Variants in ARB2A observed in about 807,000 individuals in gnomAD.
The protein encoded by ARB2A is cotranscriptional regulator ARB2A.
At chr5:93,680,505 T>G in the ARB2A span, among the ~76,000 whole-genome samples, 2 of 152,234 alleles carry the variant, frequency 1.3e-5, no homozygotes, top group East Asian at 3.9e-4. Flanking sequence ...AGCTAAAATT[T>G]TCAACATAAT....
the ARB2A span, among the ~76,000 whole-genome samples, chr5:93,763,840 C>G: frequency 5.9e-5 from 9 of 152,154 alleles, 1 homozygote; most frequent in South Asian, 4.1e-4. Context: ...GAAATTATAA[C>G]AAACTGTCTC....
At chr5:93,819,185 CA>C in the ARB2A span, among the ~76,000 whole-genome samples, 33 of 93,156 alleles carry the variant, frequency 3.5e-4, no homozygotes, top group Middle Eastern at 6.4e-3. Context: ...AACTCCGTCT[CA>C]AAAAAAAAAA....
chr5:93,854,308 C>A, the ARB2A span, among the ~76,000 whole-genome samples: 1 of 152,120 alleles, frequency 6.6e-6, no homozygotes, highest in Non-Finnish European at 1.5e-5. Flanking sequence ...GTGGCATCCC[C>A]TTTATCATTT....
At chr5:93,847,117 C>T in the ARB2A span, among the ~76,000 whole-genome samples, 1 of 152,144 alleles carries the variant, frequency 6.6e-6, no homozygotes, top group Non-Finnish European at 1.5e-5. Context: ...TATACAACCA[C>T]TTTCTCTGCT....
the ARB2A span, among the ~76,000 whole-genome samples, chr5:94,053,900 C>A: frequency 6.6e-6 from 1 of 152,164 alleles, no homozygotes. Context: ...TTCCGAGTAG[C>A]TGGGACTACA....
At chr5:93,939,592 C>T in the ARB2A span, among the ~76,000 whole-genome samples, 1 of 151,984 alleles carries the variant, frequency 6.6e-6, no homozygotes, top group Non-Finnish European at 1.5e-5. Flanking sequence ...GCCTACTTAA[C>T]AGTATTTTCC....
the ARB2A span, among the ~76,000 whole-genome samples, chr5:93,686,612 G>C: frequency 2.6e-5 from 4 of 151,980 alleles, no homozygotes; most frequent in Admixed American, 2.6e-4. Context: ...ACCTTTGCTG[G>C]AAGATCATGG....
the ARB2A span, among the ~76,000 whole-genome samples, chr5:93,677,033 T>A: frequency 4.6e-5 from 7 of 152,310 alleles, no homozygotes; most frequent in East Asian, 1.4e-3. Flanking sequence ...TACGAATATC[T>A]GGCTGAAAGA....
the ARB2A span, among the ~76,000 whole-genome samples, chr5:94,035,463 A>C: frequency 6.6e-6 from 1 of 152,150 alleles, no homozygotes; most frequent in Non-Finnish European, 1.5e-5. Flanking sequence ...GCTTTAATAT[A>C]CCATATTGAT....
the ARB2A span, among the ~76,000 whole-genome samples, chr5:93,712,355 A>G: frequency 6.6e-6 from 1 of 152,230 alleles, no homozygotes; most frequent in Non-Finnish European, 1.5e-5. Context: ...AGAAAACAAA[A>G]GACCAGAAGC....
the ARB2A span, among the ~76,000 whole-genome samples, chr5:94,060,021 A>G: frequency 1.3e-5 from 2 of 152,304 alleles, no homozygotes; most frequent in African/African-American, 4.8e-5. Context: ...TCAACAGGTA[A>G]TAGTAAAACA....
At chr5:93,677,100 T>A in the ARB2A span, among the ~76,000 whole-genome samples, 2 of 152,210 alleles carry the variant, frequency 1.3e-5, no homozygotes, top group Non-Finnish European at 1.5e-5. Context: ...GATCTGCTAT[T>A]AACAACAATG....
the ARB2A span, among the ~76,000 whole-genome samples, chr5:94,065,408 A>C: frequency 1.3e-5 from 2 of 152,096 alleles, no homozygotes; most frequent in Non-Finnish European, 2.9e-5. Context: ...CAGATACTCA[A>C]GAGGCTGAGG....
chr5:93,935,013 G>C, the ARB2A span, among the ~76,000 whole-genome samples: 3 of 152,134 alleles, frequency 2.0e-5, no homozygotes, highest in Non-Finnish European at 2.9e-5. Context: ...ACTCATAAGT[G>C]GGAGCTAAGC....
At chr5:93,744,583 C>A in the ARB2A span, among the ~76,000 whole-genome samples, 1 of 151,642 alleles carries the variant, frequency 6.6e-6, no homozygotes, top group Non-Finnish European at 1.5e-5. Context: ...AGTTTATGTG[C>A]ATGTACTGCC....
chr5:93,660,657 G>A, the ARB2A span, among the ~76,000 whole-genome samples: 4 of 152,120 alleles, frequency 2.6e-5, no homozygotes, highest in African/African-American at 9.7e-5. Context: ...TTTAGATGAA[G>A]GGGAGCAAAT....
chr5:93,969,612 G>C, the ARB2A span, among the ~76,000 whole-genome samples: 1 of 152,116 alleles, frequency 6.6e-6, no homozygotes, highest in Admixed American at 6.5e-5. Context: ...GTTAAAAGGA[G>C]AGCAGGGGTG....
chr5:93,645,366 G>C, the ARB2A span, among the ~76,000 whole-genome samples: 1 of 152,266 alleles, frequency 6.6e-6, no homozygotes, highest in African/African-American at 2.4e-5. Context: ...GAGGTCAAGG[G>C]ATAAAGACCA....
chr5:93,715,900 G>A, the ARB2A span, among the ~76,000 whole-genome samples: 1 of 152,064 alleles, frequency 6.6e-6, no homozygotes, highest in Non-Finnish European at 1.5e-5. Context: ...ACAATATTAT[G>A]GACACTTCCT....
Sources: allele counts gnomAD v4.1 joint callset (sites outside exome capture counted in the v4.1 genomes callset), GRCh38; gene constraint gnomAD v4.1.1; transcripts MANE v1.5; gene names NCBI Gene and HGNC (gene_info 2026-07-23, HGNC 2026-07-21).